RIMS2: variants seen among roughly 807,000 people sequenced by gnomAD.
RIMS2 encodes regulating synaptic membrane exocytosis protein 2.
RIMS2 carries 59 observed loss-of-function variants against 174.4 expected under a neutral mutation model. The observed-to-expected ratio is 0.34, with a 90% CI of 0.27 to 0.42. The LOEUF (loss-of-function observed/expected upper bound fraction) is 0.42, where lower values mean the gene tolerates loss of function less well. Ranked by LOEUF, RIMS2 falls within the 10% of genes least tolerant of loss-of-function variation. The pLI, the probability that RIMS2 is intolerant of heterozygous loss-of-function variation, is 1.00. For missense variants in RIMS2, 1,620 were observed against 1,666.3 expected, an observed-to-expected ratio of 0.97 and a Z score of 0.48; for synonymous variants, 606 against 572.5, an observed-to-expected ratio of 1.06 and a Z score of -0.84.
At chr8:103,962,248 A>G (rs2090374528) in intron 15 of RIMS2, among the ~76,000 whole-genome samples, 1 of 152,040 alleles carries the variant, frequency 6.6e-6, no homozygotes. Flanking sequence ...TCTTTATTTA[A>G]TATGATCATT....
intron 1 of RIMS2, among the ~76,000 whole-genome samples, chr8:103,613,033 T>A (rs2095421804): frequency 6.6e-6 from 1 of 152,118 alleles, no homozygotes; most frequent in Non-Finnish European, 1.5e-5. Context: ...GGGTCTTACT[T>A]AAGTCCCTGG....
chr8:103,735,182 C>G (rs914992033), intron 2 of RIMS2, among the ~76,000 whole-genome samples: 10 of 152,090 alleles, frequency 6.6e-5, no homozygotes, highest in African/African-American at 1.9e-4. Flanking sequence ...CCTCAAAGAG[C>G]CTTGTTATTA....
At chr8:104,034,132 G>T (rs1302723270) in intron 19 of RIMS2, among the ~76,000 whole-genome samples, 1 of 152,116 alleles carries the variant, frequency 6.6e-6, no homozygotes, top group Non-Finnish European at 1.5e-5. Flanking sequence ...TGGAAAGTTG[G>T]CTGTGCATCA....
chr8:103,994,882 G>T (rs776037116), intron 17 of RIMS2, among the ~76,000 whole-genome samples: 1 of 151,846 alleles, frequency 6.6e-6, no homozygotes, highest in African/African-American at 2.4e-5. Flanking sequence ...TTAATTATAA[G>T]ACTCTTCAAG....
At chr8:103,711,091 T>A (rs1212888160) in intron 2 of RIMS2, among the ~76,000 whole-genome samples, 2 of 152,242 alleles carry the variant, frequency 1.3e-5, no homozygotes, top group Non-Finnish European at 2.9e-5. Context: ...TGATCTACCT[T>A]AGAACACTAT....
Position 104,236,409 on chromosome 8 carries a change from A to G in RIMS2, c.3335-8507A>G, listed in dbSNP as rs9886655. Among the ~76,000 whole-genome samples, 1,505 of 152,216 alleles carry G rather than the reference A, an allele frequency of 9.9e-3. 21 individuals are homozygous for G. The highest frequency in any genetic ancestry group is 0.033 in the African/African-American group (1,356 of 41,548). ...GTGCTGACCCTTGCCTGAATCAATT[A>G]TTACACTGGGACTGGGAATTTTAAT... is the stretch of plus-strand genomic sequence containing the variant. On this transcript the variant is annotated intron_variant, in intron 19 of 23. Transcript: ENST00000504942.
At chr8:103,717,613 A>T (rs1027699307) in intron 2 of RIMS2, among the ~76,000 whole-genome samples, 17 of 152,220 alleles carry the variant, frequency 1.1e-4, no homozygotes, top group Non-Finnish European at 2.1e-4. Flanking sequence ...CCATCCCAGA[A>T]ATGAGGCACT....
At chr8:103,695,739 GT>G (rs2097093389) in intron 1 of RIMS2, among the ~76,000 whole-genome samples, 3 of 147,686 alleles carry the variant, frequency 2.0e-5, no homozygotes, top group African/African-American at 7.5e-5. Context: ...TTTTTTGTTT[GT>G]TTGTTTGTTT....
intron 1 of RIMS2, among the ~76,000 whole-genome samples, chr8:103,669,590 T>TA (rs1355828131): frequency 9.2e-5 from 14 of 152,144 alleles, no homozygotes; most frequent in Non-Finnish European, 1.8e-4. Flanking sequence ...ATTGGATAAA[T>TA]ACAGCCATTC....
At chr8:103,904,380 G>A (rs545564343) in intron 4 of RIMS2, among the ~76,000 whole-genome samples, 3 of 151,904 alleles carry the variant, frequency 2.0e-5, no homozygotes, top group South Asian at 4.1e-4. Flanking sequence ...ATCTTCTTTG[G>A]TGAAATTTCT....
At chr8:103,687,835 A>T (rs2096961369) in intron 1 of RIMS2, among the ~76,000 whole-genome samples, 1 of 152,152 alleles carries the variant, frequency 6.6e-6, no homozygotes, top group African/African-American at 2.4e-5. Context: ...AACAAATGAC[A>T]GGACTTCTTT....
chr8:104,204,238 A>G (rs2099069159), intron 19 of RIMS2, among the ~76,000 whole-genome samples: 2 of 152,200 alleles, frequency 1.3e-5, no homozygotes, highest in South Asian at 2.1e-4. Context: ...TATATATGCA[A>G]TGTTAGAGGA....
At chr8:103,702,169 T>C (rs1281901266) in intron 2 of RIMS2, among the ~76,000 whole-genome samples, 3 of 152,174 alleles carry the variant, frequency 2.0e-5, no homozygotes, top group Non-Finnish European at 4.4e-5. Flanking sequence ...TTAATTTGCA[T>C]TTTTCTGATA....
At chr8:104,234,543 G>A (rs1207004994) in intron 19 of RIMS2, among the ~76,000 whole-genome samples, 2 of 139,280 alleles carry the variant, frequency 1.4e-5, no homozygotes, top group Non-Finnish European at 3.1e-5. Flanking sequence ...TGTAGTAATA[G>A]CAACATCAGA....
chr8:103,916,896 A>G (rs1489351718), intron 8 of RIMS2, among the ~76,000 whole-genome samples: 3 of 152,118 alleles, frequency 2.0e-5, no homozygotes, highest in Non-Finnish European at 4.4e-5. Flanking sequence ...ATAGGAAAGA[A>G]AGGGCCAAAG....
At chr8:103,812,787 T>C (rs2098697080) in intron 3 of RIMS2, among the ~76,000 whole-genome samples, 1 of 152,216 alleles carries the variant, frequency 6.6e-6, no homozygotes, top group African/African-American at 2.4e-5. Context: ...AATTGTTCTA[T>C]GATCCGTGCC....
At chr8:103,581,806 GCT>G (rs1337723181) in intron 1 of RIMS2, among the ~76,000 whole-genome samples, 6 of 152,144 alleles carry the variant, frequency 3.9e-5, no homozygotes, top group African/African-American at 1.4e-4. Flanking sequence ...ACCACCAAAG[GCT>G]GCATGTGCCC....
chr8:104,254,377 A>G (rs568111967), downstream of RIMS2: 4 of 152,322 alleles, frequency 2.6e-5, no homozygotes, highest in South Asian at 8.3e-4. Context: ...TGTAAATCAA[A>G]TTCATTCTGG....
At chr8:103,501,771 C>T (rs929157298) in intron 1 of RIMS2, 1 of 152,362 alleles carries the variant, frequency 6.6e-6, no homozygotes, top group East Asian at 1.9e-4. Flanking sequence ...TTCCTACCAT[C>T]ACTGCAGTTT....
Sources: gnomAD v4.1 joint callset for allele counts (sites outside exome capture counted in the v4.1 genomes callset) on GRCh38, gnomAD v4.1.1 for gene constraint, MANE v1.5 for transcripts, NCBI Gene and HGNC (gene_info 2026-07-23, HGNC 2026-07-21) for gene names.